Variants in ZNF813 observed in about 807,000 individuals in gnomAD.
ZNF813 encodes the protein zinc finger protein 813.
In ZNF813, 3 loss-of-function variants were observed where a neutral mutation model predicts 7.2. The observed-to-expected ratio is 0.42, with a 90% confidence interval of 0.19 to 1.08. ZNF813 has a LOEUF of 1.08. ZNF813 is among the 50% of genes least tolerant of loss of function. The pLI is 0.30. For synonymous variants in ZNF813, 227 were observed against 256.3 expected, an observed-to-expected ratio of 0.89 and a Z score of 1.09; for missense variants, 714 against 753.3, an observed-to-expected ratio of 0.95 and a Z score of 0.61.
intron 1 of ZNF813, among the ~76,000 whole-genome samples, chr19:53,468,232 C>A (rs1295179870): frequency 8.8e-5 from 8 of 90,798 alleles, no homozygotes; most frequent in Admixed American, 6.3e-4. Context: ...CCCCCCCCCC[C>A]ACCTCCCTCC....
chr19:53,482,650 A>C (rs2086413776), intron 1 of ZNF813, among the ~76,000 whole-genome samples: 2 of 147,834 alleles, frequency 1.4e-5, no homozygotes, highest in South Asian at 4.4e-4. Flanking sequence ...TCTGCCCGTC[A>C]GTCTCTATCA....
rs1217455009 is a variant in ZNF813, at chr19:53,483,810, AAAGGAGTC to A, written c.-11_-4del. 1 of 1,613,440 alleles carries A rather than the reference AAAGGAGTC, an allele frequency of 6.2e-7. No individual in the cohort carries two copies. Among genetic ancestry groups the A allele is most frequent in the East Asian group, 2.2e-5 (1 of 44,888 alleles). ...AAACCTGGAAGAGGAAGAGGAAAGC[AAAGGAGTC>A]AGGGATGGCTCTTCCTCAGGTGAGA... On this transcript the variant is annotated 5_prime_UTR_variant, in exon 2 of 4. Transcript: ENST00000396403.
At chr19:53,468,988 G>C (rs2086342837) in intron 1 of ZNF813, among the ~76,000 whole-genome samples, 1 of 152,166 alleles carries the variant, frequency 6.6e-6, no homozygotes, top group Non-Finnish European at 1.5e-5. Context: ...GGGAAACTTG[G>C]ACAATACCCA....
At chr19:53,470,364 A>AT (rs372405721) in intron 1 of ZNF813, among the ~76,000 whole-genome samples, 19 of 113,626 alleles carry the variant, frequency 1.7e-4, no homozygotes, top group South Asian at 5.7e-4. Flanking sequence ...ATGAATGCAT[A>AT]TTTTTTTTTT....
chr19:53,483,292 C>T (rs183558939), intron 1 of ZNF813, among the ~76,000 whole-genome samples: 64 of 152,234 alleles, frequency 4.2e-4, no homozygotes, highest in Non-Finnish European at 8.4e-4. Context: ...GCGATCCTCA[C>T]ACCTCAGCCT....
In ZNF813 at chr19:53,491,366, G is replaced by T. The variant is rs369514964; in HGVS notation, c.1134G>T (p.Thr378=). Residue 378 remains threonine, a synonymous_variant, in exon 4 of 4, where the codon ACG becomes ACT. Coordinates refer to ENST00000396403, the MANE Select transcript of ZNF813 (RefSeq NM_001004301.4). ...SSLTCHHRLH[T]GEKPYKCNEC... ...TTACATGCCATCATAGACTTCATAC[G>T]GGAGAGAAACCTTATAAGTGTAATG... is the stretch of plus-strand genomic sequence containing the variant. 8.7e-6 allele frequency: 14 copies of T among 1,609,738 alleles called. No homozygotes were observed. The highest frequency in any genetic ancestry group is 1.1e-5 in the Non-Finnish European group (13 of 1,178,450).
chr19:53,472,058 A>C (rs2086362205), intron 1 of ZNF813, among the ~76,000 whole-genome samples: 1 of 152,132 alleles, frequency 6.6e-6, no homozygotes, highest in Non-Finnish European at 1.5e-5. Flanking sequence ...AATGATTTAA[A>C]AACTCGGAAT....
At chr19:53,477,812 C>T (rs1221305437) in intron 1 of ZNF813, among the ~76,000 whole-genome samples, 3 of 152,052 alleles carry the variant, frequency 2.0e-5, no homozygotes, top group Non-Finnish European at 4.4e-5. Context: ...CAGAGTGAGA[C>T]CCTGTCTCAA....
chr19:53,467,986 G>T (rs1256008484), intron 1 of ZNF813, among the ~76,000 whole-genome samples, 197 bp downstream of exon 1: 1 of 152,192 alleles, frequency 6.6e-6, no homozygotes, highest in Non-Finnish European at 1.5e-5. Context: ...GTCCCGTCCC[G>T]GGTCTTTCTG....
chr19:53,494,040 A>T lies in ZNF813; in HGVS notation c.*1954A>T, dbSNP rs2086475899. The stretch of plus-strand genomic sequence containing the variant: ...TACTTTTTCTCCATCTATTGAGATG[A>T]TGTGGTTTTCATCTTTCATTCTGTT... On this transcript the variant is annotated 3_prime_UTR_variant, in exon 4 of 4. Transcript: ENST00000396403. 1 of 152,142 alleles carries T rather than the reference A, an allele frequency of 6.6e-6. No individual in the cohort carries two copies. The highest frequency in any genetic ancestry group is 6.6e-5 in the Admixed American group (1 of 15,260). The allele number at this position is 152,142 out of a possible 1,614,324, so 9.4% of individuals were successfully genotyped here.
chr19:53,491,460 C>A lies in ZNF813; in HGVS notation c.1228C>A (p.Pro410Thr). 1 of 1,614,118 alleles carries A rather than the reference C, an allele frequency of 6.2e-7. No homozygotes were observed. Among genetic ancestry groups the A allele is most frequent in the Non-Finnish European group, 8.5e-7 (1 of 1,180,002 alleles). Residue 410 changes from proline (P) to threonine (T), a missense_variant, in exon 4 of 4, where the codon CCT (proline) becomes ACT (threonine). Coordinates refer to ENST00000396403, the MANE Select transcript of ZNF813 (RefSeq NM_001004301.4). ...TCGTAGACTTCATACCGGAGAGAAG[C>A]CTTACAAGTGTAATGAATGTGGCAA... ...CHRRLHTGEK[P>T]YKCNECGKVF...
intron 2 of ZNF813, among the ~76,000 whole-genome samples, chr19:53,485,336 A>G (rs1198993379): frequency 2.0e-5 from 3 of 152,120 alleles, no homozygotes; most frequent in African/African-American, 7.2e-5. Flanking sequence ...CAGTTCAACA[A>G]AACTTGCTAC....
At chr19:53,482,794 G>T (rs1490491195) in intron 1 of ZNF813, among the ~76,000 whole-genome samples, 1 of 136,150 alleles carries the variant, frequency 7.3e-6, no homozygotes, top group Non-Finnish European at 1.5e-5. Context: ...TTGTGATCTT[G>T]GCTCACTGCA....
intron 1 of ZNF813, among the ~76,000 whole-genome samples, chr19:53,473,349 A>G (rs1200411734): frequency 6.6e-6 from 1 of 151,950 alleles, no homozygotes; most frequent in African/African-American, 2.4e-5. Flanking sequence ...GTGTGACTAG[A>G]GCTGGGCTTG....
intron 1 of ZNF813, among the ~76,000 whole-genome samples, chr19:53,474,573 C>G (rs1484985180): frequency 3.3e-5 from 5 of 151,964 alleles, no homozygotes; most frequent in Non-Finnish European, 7.4e-5. Context: ...CCTGTAATAC[C>G]AGCTACTGGG....
intron 1 of ZNF813, among the ~76,000 whole-genome samples, chr19:53,475,141 CTCTT>C (rs1212218475): frequency 3.9e-5 from 6 of 152,306 alleles, no homozygotes; most frequent in Non-Finnish European, 7.3e-5. Flanking sequence ...AAAGTCCTCT[CTCTT>C]TATATATAGT....
At chr19:53,478,439 T>C (rs1208738025) in intron 1 of ZNF813, among the ~76,000 whole-genome samples, 1 of 152,142 alleles carries the variant, frequency 6.6e-6, no homozygotes. Flanking sequence ...TCCGAAATAC[T>C]GGGATTACAG....
chr19:53,492,804 T>A lies in ZNF813; in HGVS notation c.*718T>A. 2.0e-6 allele frequency: 1 copy of A among 504,954 alleles called. No individual in the cohort carries two copies. Among genetic ancestry groups the A allele is most frequent in the East Asian group, 6.1e-5 (1 of 16,520 alleles). The allele number at this position is 504,954 out of a possible 1,614,324, so 31.3% of individuals were successfully genotyped here. A position where few individuals can be genotyped will look rare whatever the true frequency, so the allele number is the denominator to read the frequency against. On this transcript the variant is annotated 3_prime_UTR_variant, in exon 4 of 4. Coordinates refer to ENST00000396403, the MANE Select transcript of ZNF813 (RefSeq NM_001004301.4). ...GAGACAAACCTTATAAATGTCATGA[T>A]TGAGGCAAGGTCTTCAGTCAAGCTT... is the stretch of plus-strand genomic sequence containing the variant.
At chr19:53,484,434 G>A (rs2086423361) in intron 2 of ZNF813, among the ~76,000 whole-genome samples, 1 of 152,164 alleles carries the variant, frequency 6.6e-6, no homozygotes, top group Admixed American at 6.5e-5. Context: ...ATCATAGCAG[G>A]AGATTCATTC....
Sources: gnomAD v4.1 joint callset for allele counts (sites outside exome capture counted in the v4.1 genomes callset) on GRCh38, gnomAD v4.1.1 for gene constraint, MANE v1.5 for transcripts, NCBI Gene and HGNC (gene_info 2026-07-23, HGNC 2026-07-21) for gene names.